Variants in SETBP1 observed in about 807,000 individuals in gnomAD.
The protein encoded by SETBP1 is SET-binding protein.
Under a neutral mutation model 101.0 loss-of-function variants are expected in SETBP1, and 9 were observed. That is an observed-to-expected ratio of 0.09 (90% CI 0.05 to 0.16). The LOEUF is 0.16. Ranked by LOEUF, SETBP1 falls within the 10% of genes least tolerant of loss-of-function variation. The pLI is 1.00. For synonymous variants in SETBP1, 818 were observed against 788.5 expected, an observed-to-expected ratio of 1.04 and a Z score of -0.63; for missense variants, 1,858 against 2,033.8, an observed-to-expected ratio of 0.91 and a Z score of 1.66.
chr18:44,791,846 A>G lies in SETBP1; in HGVS notation c.487-77384A>G, dbSNP rs1054629147. On this transcript the variant is annotated intron_variant, in intron 2 of 5. Coordinates refer to ENST00000649279, the MANE Select transcript of SETBP1 (RefSeq NM_015559.3). ...GTCTTGAAAAGCACAGAGTGATGTCAGCTGAGGCGGCCGCTTAATTGCCCT... is the reference window on the plus strand; with the variant it reads ...GTCTTGAAAAGCACAGAGTGATGTCGGCTGAGGCGGCCGCTTAATTGCCCT... Among the ~76,000 whole-genome samples the G allele has an allele frequency of 1.4e-4, 22 of 152,168 alleles. 1 individual carries two copies. The highest frequency in any genetic ancestry group is 1.4e-3 in the Admixed American group (22 of 15,282).
At chr18:44,724,969 G>A (rs2069674712) in intron 2 of SETBP1, among the ~76,000 whole-genome samples, 1 of 152,164 alleles carries the variant, frequency 6.6e-6, no homozygotes, top group Non-Finnish European at 1.5e-5. Flanking sequence ...AGTTCAAGGA[G>A]CTGTATGAAT....
chr18:44,725,668 G>T (rs1451692890), intron 2 of SETBP1, among the ~76,000 whole-genome samples: 1 of 152,046 alleles, frequency 6.6e-6, no homozygotes. Flanking sequence ...AGAAGTTAAG[G>T]GACATCCTCC....
At chr18:45,038,398 A>G in intron 4 of SETBP1, 87 bp from the exon 5 acceptor site, 1 of 1,225,060 alleles carries the variant, frequency 8.2e-7, no homozygotes, top group Non-Finnish European at 1.2e-6. Context: ...TCATTTGACC[A>G]TTTCCTCAGA....
At chr18:45,026,793 G>T (rs10502847) in intron 4 of SETBP1, among the ~76,000 whole-genome samples, 40,094 of 152,018 alleles carry the variant, frequency 0.26, 5,345 homozygotes, top group Admixed American at 0.3. Flanking sequence ...TTGTCCTTCT[G>T]TAGCATGTGT....
At position 44,690,000 on chromosome 18, in the gene SETBP1, C is replaced by T. The variant is rs148014576; in HGVS notation, c.-173+8979C>T. On this transcript the variant is annotated intron_variant, in intron 1 of 5. Transcript: ENST00000649279. ...TCCACACATAGCACACATGAAAGAA[C>T]GCTGACAGCTGACTCTGCCTCCTGC... Among the ~76,000 whole-genome samples, 879 of 152,226 alleles carry T rather than the reference C, an allele frequency of 5.8e-3. 2 individuals are homozygous for T. Among genetic ancestry groups the T allele is most frequent in the Non-Finnish European group, 9.1e-3 (617 of 68,022 alleles).
At chr18:44,855,260 GT>G (rs1395881614) in intron 2 of SETBP1, among the ~76,000 whole-genome samples, 321 of 149,662 alleles carry the variant, frequency 2.1e-3, no homozygotes, top group Non-Finnish European at 3.7e-3. Flanking sequence ...AGGACTTTGG[GT>G]TTTTTTTTGG....
chr18:45,032,829 A>C (rs549169159), intron 4 of SETBP1, among the ~76,000 whole-genome samples: 1 of 152,302 alleles, frequency 6.6e-6, no homozygotes, highest in East Asian at 1.9e-4. Flanking sequence ...ATGCCATATG[A>C]ATAGTAGCAG....
chr18:45,026,426 G>A lies in SETBP1; in HGVS notation c.4001-12059G>A, dbSNP rs573676346. On this transcript the variant is annotated intron_variant, in intron 4 of 5. Coordinates refer to ENST00000649279, the MANE Select transcript of SETBP1 (RefSeq NM_015559.3). ...GCACAGCAAGTCACATCCCCTTTCT[G>A]GGACTCAGATACCCAGGAAGGACTG... 5.3e-5 allele frequency among the ~76,000 whole-genome samples: 8 copies of A among 152,206 alleles called. No homozygotes were observed. In the East Asian group the frequency reaches 9.6e-4, roughly 18 times the overall value.
chr18:44,786,127 T>A (rs1418114544), intron 2 of SETBP1, among the ~76,000 whole-genome samples: 1 of 152,236 alleles, frequency 6.6e-6, no homozygotes, highest in Non-Finnish European at 1.5e-5. Context: ...TCCCACCTTT[T>A]ATTGCTGGCC....
At chr18:44,804,390 A>G (rs1308726431) in intron 2 of SETBP1, among the ~76,000 whole-genome samples, 2 of 152,196 alleles carry the variant, frequency 1.3e-5, no homozygotes, top group South Asian at 2.1e-4. Flanking sequence ...AGCAGCAGAT[A>G]TTTTCCTGAA....
intron 2 of SETBP1, among the ~76,000 whole-genome samples, chr18:44,797,307 T>G (rs895476892): frequency 1.3e-5 from 2 of 152,248 alleles, no homozygotes; most frequent in Admixed American, 6.5e-5. Flanking sequence ...AAGTTATAAC[T>G]CCTAAGCTTC....
At chr18:44,703,113 T>A (rs1429251895) in intron 2 of SETBP1, among the ~76,000 whole-genome samples, 1 of 152,192 alleles carries the variant, frequency 6.6e-6, no homozygotes, top group African/African-American at 2.4e-5. Flanking sequence ...GTATAGTAAG[T>A]TTTTGTCTTC....
At chr18:45,021,001 C>A (rs900009457) in intron 4 of SETBP1, among the ~76,000 whole-genome samples, 1 of 152,158 alleles carries the variant, frequency 6.6e-6, no homozygotes, top group Non-Finnish European at 1.5e-5. Context: ...ATCATCACTG[C>A]CCTTTCTTGG....
intron 3 of SETBP1, among the ~76,000 whole-genome samples, chr18:44,945,716 G>A (rs1158282740): frequency 6.6e-6 from 1 of 152,194 alleles, no homozygotes; most frequent in African/African-American, 2.4e-5. Flanking sequence ...TAGTTCTGCT[G>A]AGGGCTGAGG....
intron 3 of SETBP1, among the ~76,000 whole-genome samples, chr18:44,890,248 A>T (rs942613162): frequency 6.6e-6 from 1 of 152,052 alleles, no homozygotes; most frequent in African/African-American, 2.4e-5. Context: ...CATCTCCTCA[A>T]ACCCCTCACC....
chr18:44,845,493 GTC>G (rs2072705835), intron 2 of SETBP1, among the ~76,000 whole-genome samples: 1 of 152,220 alleles, frequency 6.6e-6, no homozygotes, highest in Non-Finnish European at 1.5e-5. Flanking sequence ...TCTGCACTCA[GTC>G]TCTGGTCTCT....
At chr18:44,940,739 C>T (rs999314124) in intron 3 of SETBP1, among the ~76,000 whole-genome samples, 1 of 152,158 alleles carries the variant, frequency 6.6e-6, no homozygotes, top group African/African-American at 2.4e-5. Flanking sequence ...TTTAAGAAGT[C>T]ACTTGTCTTT....
chr18:44,842,513 C>T (rs1010571200), intron 2 of SETBP1, among the ~76,000 whole-genome samples: 1 of 152,212 alleles, frequency 6.6e-6, no homozygotes, highest in African/African-American at 2.4e-5. Flanking sequence ...GTCATAGAAT[C>T]TGAAGGGCAT....
chr18:45,015,455 T>C (rs2072921732), intron 4 of SETBP1, among the ~76,000 whole-genome samples: 1 of 152,166 alleles, frequency 6.6e-6, no homozygotes, highest in African/African-American at 2.4e-5. Context: ...TATAAGGTGC[T>C]TAGAAGCACA....
Sources: allele counts gnomAD v4.1 joint callset (sites outside exome capture counted in the v4.1 genomes callset), GRCh38; gene constraint gnomAD v4.1.1; transcripts MANE v1.5; gene names NCBI Gene and HGNC (gene_info 2026-07-23, HGNC 2026-07-21).